The following URI1 variants were observed in gnomAD, a reference collection of about 807,000 sequenced individuals.
URI1 encodes unconventional prefoldin RPB5 interactor 1.
Under a neutral mutation model 60.2 loss-of-function variants are expected in URI1, and 39 were observed. The observed-to-expected ratio is 0.65, with a 90% CI of 0.50 to 0.85. The LOEUF is 0.85. Ranked by LOEUF, URI1 falls within the 40% of genes least tolerant of loss-of-function variation. The pLI, the probability that URI1 is intolerant of heterozygous loss-of-function variation, is 0.00. For synonymous variants in URI1, 251 were observed against 236.8 expected, an observed-to-expected ratio of 1.06 and a Z score of -0.55; for missense variants, 691 against 665.9, an observed-to-expected ratio of 1.04 and a Z score of -0.42.
chr19:29,957,177 A>C (rs575844762), intron 1 of URI1, among the ~76,000 whole-genome samples: 5 of 152,210 alleles, frequency 3.3e-5, no homozygotes, highest in African/African-American at 1.2e-4. Flanking sequence ...GACATCTGCA[A>C]CTTTTCTTCT....
At chr19:29,949,943 G>A (rs147621067) in intron 1 of URI1, among the ~76,000 whole-genome samples, 1 of 151,250 alleles carries the variant, frequency 6.6e-6, no homozygotes, top group Admixed American at 6.6e-5. Flanking sequence ...GGAGGGGGAG[G>A]GGGAGGGAGA....
At chr19:30,008,299 G>A (rs1176640263) in intron 7 of URI1, among the ~76,000 whole-genome samples, 1 of 151,956 alleles carries the variant, frequency 6.6e-6, no homozygotes, top group African/African-American at 2.4e-5. Context: ...TGAAAAATAG[G>A]GCAGGAAGCA....
At position 29,942,796 on chromosome 19, in the gene URI1, A is replaced by G. The variant is rs552351202; in HGVS notation, c.117+132A>G. ...GAGGGAACGGGGATAAACTTTTGTC[A>G]CGTGCTTCTGTTGTCTTTGTCTGCA... On this transcript the variant is annotated intron_variant, in intron 1 of 10. Transcript: ENST00000392271. The G allele has an allele frequency of 2.7e-3, 3,051 of 1,121,442 alleles. 9 individuals carry two copies. Among genetic ancestry groups the G allele is most frequent in the Admixed American group, 5.3e-3 (116 of 21,770 alleles). The allele number at this position is 1,121,442 out of a possible 1,614,324, so 69.5% of individuals were successfully genotyped here.
chr19:29,936,383 C>T (rs2054972790), intron 1 of URI1, among the ~76,000 whole-genome samples: 1 of 151,954 alleles, frequency 6.6e-6, no homozygotes, highest in Non-Finnish European at 1.5e-5. Context: ...AATTACAGGC[C>T]TGAGCCACTG....
chr19:30,010,207 TA>T (rs2056000327), intron 8 of URI1, among the ~76,000 whole-genome samples: 1 of 152,216 alleles, frequency 6.6e-6, no homozygotes, highest in Non-Finnish European at 1.5e-5. Flanking sequence ...CGATTGCCTG[TA>T]TCAGTTAAGG....
At chr19:29,973,526 G>C (rs2055484872) in intron 2 of URI1, among the ~76,000 whole-genome samples, 1 of 152,102 alleles carries the variant, frequency 6.6e-6, no homozygotes, top group South Asian at 2.1e-4. Context: ...TTATGCTGGT[G>C]ATGTTTATGC....
chr19:29,964,905 G>C (rs1379606655), intron 1 of URI1, among the ~76,000 whole-genome samples: 8 of 123,948 alleles, frequency 6.5e-5, no homozygotes, highest in Admixed American at 2.5e-4. Flanking sequence ...TGGACTGTTT[G>C]TTTCCTTTGA....
At chr19:29,941,582 C>T (rs2055024032), upstream of URI1, among the ~76,000 whole-genome samples, 1 of 150,358 alleles carries the variant, frequency 6.7e-6, no homozygotes, top group Non-Finnish European at 1.5e-5. Context: ...GATGGCACTA[C>T]TGCACTCCAG....
intron 2 of URI1, among the ~76,000 whole-genome samples, chr19:29,981,875 GAA>G (rs761958456): frequency 1.3e-5 from 2 of 151,182 alleles, no homozygotes; most frequent in Non-Finnish European, 3.0e-5. Context: ...TATTAAAATA[GAA>G]AAAAAAATCT....
intron 1 of URI1, among the ~76,000 whole-genome samples, chr19:29,965,709 G>A (rs2055384044): frequency 6.6e-6 from 1 of 152,128 alleles, no homozygotes; most frequent in Admixed American, 6.5e-5. Context: ...ATTACTGAAT[G>A]TATGTGTCAC....
chr19:30,010,424 A>G (rs1367239954), intron 8 of URI1, among the ~76,000 whole-genome samples: 2 of 152,230 alleles, frequency 1.3e-5, no homozygotes, highest in Non-Finnish European at 2.9e-5. Flanking sequence ...TTAGCCAGAA[A>G]AAAAGGTCGC....
chr19:29,975,356 CTATA>C lies in URI1; in HGVS notation c.152+4133_152+4136del, dbSNP rs146604575. Among the ~76,000 whole-genome samples, 1,077 of 152,060 alleles carry C rather than the reference CTATA, an allele frequency of 7.1e-3. 10 individuals are homozygous for C. Among genetic ancestry groups the C allele is most frequent in the African/African-American group, 0.024 (1,005 of 41,468 alleles). On this transcript the variant is annotated intron_variant, in intron 2 of 10. Transcript: ENST00000392271. ...ATATATCTTTAAGAGACAAGAAAGA[CTATA>C]TATTAACTTTTTAAGATTTAAATAA...
Position 29,942,445 on chromosome 19 carries a change from T to G in URI1, c.-103T>G, listed in dbSNP as rs1311909198. On this transcript the variant is annotated 5_prime_UTR_variant, in exon 1 of 11. Coordinates refer to ENST00000392271, the MANE Select transcript of URI1 (RefSeq NM_003796.3). The stretch of plus-strand genomic sequence containing the variant: ...GGCCTCCTGGGCGCGGGGCGCGCGG[T>G]GCCTGAGGGCGGGCGCGCGGGCGCT... The G allele has an allele frequency of 3.0e-6, 3 of 996,208 alleles. No homozygotes were observed. The highest frequency in any genetic ancestry group is 6.2e-5 in the Admixed American group (1 of 16,252). 61.7% of individuals were successfully genotyped at this position (996,208 alleles called of 1,614,324 possible).
intron 4 of URI1, chr19:30,004,562 A>C (rs1208886037): frequency 6.6e-6 from 1 of 152,060 alleles, no homozygotes; most frequent in African/African-American, 2.4e-5. Flanking sequence ...AGGAGGTATC[A>C]TATCACTGTC....
At chr19:30,005,213 A>C (rs182164930) in intron 4 of URI1, 148 bp from the exon 5 acceptor site, 8 of 538,876 alleles carry the variant, frequency 1.5e-5, no homozygotes, top group African/African-American at 1.4e-4. Flanking sequence ...TAACTTATTA[A>C]AAGTCCATTT....
chr19:29,926,945 G>A (rs1347399933), intron 1 of URI1, among the ~76,000 whole-genome samples: 1 of 152,204 alleles, frequency 6.6e-6, no homozygotes, highest in Non-Finnish European at 1.5e-5. Flanking sequence ...GTCTGGCTCT[G>A]CCTGGGAGCT....
chr19:29,927,451 G>A (rs922434965), intron 1 of URI1, among the ~76,000 whole-genome samples: 5 of 150,916 alleles, frequency 3.3e-5, no homozygotes, highest in African/African-American at 4.9e-5. Flanking sequence ...TAGTAGACAC[G>A]GGGTTTCACC....
upstream of URI1, among the ~76,000 whole-genome samples, chr19:29,941,637 AAAAAAG>A (rs1450893685): frequency 1.3e-5 from 2 of 152,010 alleles, no homozygotes; most frequent in African/African-American, 4.8e-5. Context: ...AAAAAAAAAA[AAAAAAG>A]AAAAGTGGGG....
intron 1 of URI1, among the ~76,000 whole-genome samples, chr19:29,947,066 G>C (rs1176733931): frequency 6.6e-6 from 1 of 152,168 alleles, no homozygotes; most frequent in African/African-American, 2.4e-5. Flanking sequence ...CATTTGAGCA[G>C]AAACTTGAAA....
Sources: gnomAD v4.1 joint callset for allele counts (sites outside exome capture counted in the v4.1 genomes callset) on GRCh38, gnomAD v4.1.1 for gene constraint, MANE v1.5 for transcripts, NCBI Gene and HGNC (gene_info 2026-07-23, HGNC 2026-07-21) for gene names.